LAMA1: variants seen among roughly 807,000 people sequenced by gnomAD.
LAMA1 encodes the protein laminin subunit alpha-1.
LAMA1 carries 219 observed loss-of-function variants against 348.7 expected under a neutral mutation model. That is an observed-to-expected ratio of 0.63 (90% CI 0.56 to 0.70). The LOEUF is 0.70. Among genes scored for constraint, LAMA1 ranks in the 30% least tolerant of loss-of-function variants. The pLI, the probability that LAMA1 is intolerant of heterozygous loss-of-function variation, is 0.00. For synonymous variants in LAMA1, 1,487 were observed against 1,491.0 expected (o/e 1.00, Z 0.06); for missense variants, 3,744 against 3,888.0 (o/e 0.96, Z 0.99).
chr18:7,013,768 A>G (rs1017083123), intron 23 of LAMA1, 47 bp downstream of exon 23: 2 of 1,585,208 alleles, frequency 1.3e-6, no homozygotes, highest in African/African-American at 2.7e-5. Context: ...AGGAGTCATG[A>G]TGAGGAGCCA....
intron 1 of LAMA1, among the ~76,000 whole-genome samples, chr18:7,082,557 G>A (rs942418106): frequency 5.9e-5 from 9 of 152,140 alleles, no homozygotes; most frequent in East Asian, 1.9e-4. Context: ...AGGGGCTGAC[G>A]TTTATTCTAT....
chr18:6,976,837 C>A (rs879572736), intron 44 of LAMA1, among the ~76,000 whole-genome samples: 2 of 151,944 alleles, frequency 1.3e-5, no homozygotes, highest in Non-Finnish European at 2.9e-5. Context: ...CTCAAACTCC[C>A]GGCCTCAAGC....
chr18:6,959,269 G>A (rs955906233), intron 54 of LAMA1, 72 bp downstream of exon 54: 28 of 1,604,292 alleles, frequency 1.7e-5, no homozygotes, highest in African/African-American at 6.7e-5. Context: ...GGGCACCACC[G>A]CAAGGTTCCT....
At chr18:7,064,957 C>T (rs1366609145) in intron 3 of LAMA1, among the ~76,000 whole-genome samples, 5 of 152,080 alleles carry the variant, frequency 3.3e-5, no homozygotes, top group African/African-American at 4.8e-5. Context: ...TAGCCAAGGC[C>T]GGGCGCAGTG....
chr18:7,073,822 TTGTGTGTGTG>T (rs112415914), intron 3 of LAMA1, among the ~76,000 whole-genome samples: 16 of 139,872 alleles, frequency 1.1e-4, no homozygotes, highest in African/African-American at 4.1e-4. Flanking sequence ...ACCATACTGG[TTGTGTGTGTG>T]TGTGTGTGTG....
intron 58 of LAMA1, 33 bp from the exon 59 acceptor site, chr18:6,949,292 A>G (rs1333196998): frequency 1.9e-6 from 3 of 1,611,560 alleles, no homozygotes; most frequent in Admixed American, 1.7e-5. Context: ...ATAATTTTTG[A>G]GGAATCTGAA....
At chr18:7,061,090 C>T (rs540470803) in intron 3 of LAMA1, among the ~76,000 whole-genome samples, 2 of 152,180 alleles carry the variant, frequency 1.3e-5, no homozygotes, top group South Asian at 2.1e-4. Flanking sequence ...CCTGGGAGGT[C>T]GAGGCTGCAG....
chr18:6,980,564 C>T lies in LAMA1; in HGVS notation c.5964G>A (p.Arg1988=), dbSNP rs2057706657. ...RFQENAVEIT[R]QTNESLLILR... ...GTATCAAGAGTGATTCATTGGTTTGCCTGGTAATTTCAACAGCATTCTCTT... is the reference window on the plus strand; with the variant it reads ...GTATCAAGAGTGATTCATTGGTTTGTCTGGTAATTTCAACAGCATTCTCTT... The change falls in exon 42 of 63, where the codon AGG becomes AGA. Residue 1988 remains arginine (R), a synonymous_variant. Transcript: ENST00000389658. The T allele has an allele frequency of 6.8e-6, 11 of 1,613,418 alleles. No homozygotes were observed. Among genetic ancestry groups the T allele is most frequent in the Non-Finnish European group, 9.3e-6 (11 of 1,179,482 alleles).
At chr18:6,996,273 G>A (rs911513607) in intron 33 of LAMA1, among the ~76,000 whole-genome samples, 1 of 151,970 alleles carries the variant, frequency 6.6e-6, no homozygotes, top group Non-Finnish European at 1.5e-5. Context: ...AAATCAAGAC[G>A]GATTCAAGAA....
At position 6,949,171 on chromosome 18, in the gene LAMA1, A is replaced by G. The variant is rs749502336; in HGVS notation, c.8486T>C (p.Met2829Thr). 5.6e-6 allele frequency: 9 copies of G among 1,614,076 alleles called. No individual in the cohort carries two copies. The Admixed American group carries it at 1.0e-4, about 18-fold the overall frequency. ...GTAGAACAAACCCTCCACATCCAGC[A>G]TGGTTCCATCTCCCACCACAGTCAC... is the stretch of plus-strand genomic sequence containing the variant. The part of the protein sequence containing the change: ...PMVTVVGDGT[M>T]LDVEGLFYLG... The change falls in exon 59 of 63, where the codon ATG (methionine) becomes ACG (threonine). Residue 2829 changes from methionine (M) to threonine (T), a missense_variant. Physicochemically the swap from Met to Thr is moderately conservative, Grantham distance 81. Around this residue, in one of 3 missense-constraint regions of LAMA1, gnomAD observed 1,983 missense variants for 1,934.3 expected, o/e 1.03. Transcript: ENST00000389658.
In LAMA1 at chr18:6,982,600, A is replaced by G. The variant is rs1038349802; in HGVS notation, c.5797-10T>C. The G allele has an allele frequency of 1.2e-6, 2 of 1,612,958 alleles. No individual in the cohort carries two copies. Among genetic ancestry groups the G allele is most frequent in the Non-Finnish European group, 8.5e-7 (1 of 1,178,908 alleles). The stretch of plus-strand genomic sequence containing the variant: ...CAAGGGATTCTGAGAGCTGGAAAAC[A>G]GAACCACTTAAGCGTGGTGAGAGCA... On this transcript the variant is annotated splice_polypyrimidine_tract_variant and intron_variant, in intron 40 of 62. Coordinates refer to ENST00000389658, the MANE Select transcript of LAMA1 (RefSeq NM_005559.4).
intron 3 of LAMA1, 146 bp from the exon 4 acceptor site, chr18:7,051,082 G>C (rs1389148779): frequency 9.8e-7 from 1 of 1,023,104 alleles, no homozygotes; most frequent in Admixed American, 2.0e-5. Flanking sequence ...GCCATGAGGT[G>C]CGAGGAGAGG....
chr18:6,971,865 G>C lies in LAMA1; in HGVS notation c.6891C>G (p.Cys2297Trp). 1.9e-6 allele frequency: 3 copies of C among 1,614,080 alleles called. No individual in the cohort carries two copies. Among genetic ancestry groups the C allele is most frequent in the Non-Finnish European group, 1.7e-6 (2 of 1,180,030 alleles). The change falls in exon 48 of 63, where the codon TGC becomes TGG. Residue 2297 changes from cysteine to tryptophan, a missense_variant. Physicochemically the swap from Cys to Trp is radical, Grantham distance 215. This residue lies in a region of LAMA1 where 1,983 missense variants were observed against 1,934.3 expected (regional missense o/e 1.03). Coordinates refer to ENST00000389658, the MANE Select transcript of LAMA1 (RefSeq NM_005559.4). ...YIEREGKCRG[C>W]FGSSQNEDPS... Reference sequence around the variant, plus strand: ...CCGTGACGACATCTTACCTTCCGAAGCACCCACGGCACTTGCCTTCCCTTT... The same window carrying C: ...CCGTGACGACATCTTACCTTCCGAACCACCCACGGCACTTGCCTTCCCTTT...
intron 5 of LAMA1, among the ~76,000 whole-genome samples, chr18:7,048,012 G>GA (rs1352908120): frequency 2.6e-5 from 4 of 152,080 alleles, no homozygotes; most frequent in Non-Finnish European, 5.9e-5. Context: ...AATCATAAAA[G>GA]AAAAAATGGT....
At chr18:7,036,645 A>AG (rs1313904549) in intron 12 of LAMA1, among the ~76,000 whole-genome samples, 2 of 152,144 alleles carry the variant, frequency 1.3e-5, no homozygotes, top group African/African-American at 4.8e-5. Context: ...TGATATCAAG[A>AG]GAAAAAAAAA....
intron 1 of LAMA1, among the ~76,000 whole-genome samples, chr18:7,107,747 G>A (rs892003123): frequency 5.3e-5 from 8 of 152,176 alleles, no homozygotes; most frequent in African/African-American, 1.9e-4. Flanking sequence ...TTTCTCAGTG[G>A]CTCACACCTG....
At chr18:7,018,227 T>G (rs1378295122) in intron 19 of LAMA1, among the ~76,000 whole-genome samples, 2 of 146,222 alleles carry the variant, frequency 1.4e-5, no homozygotes, top group South Asian at 4.5e-4. Flanking sequence ...TCCCAGCTAC[T>G]TGGGAGGCTG....
intron 46 of LAMA1, among the ~76,000 whole-genome samples, chr18:6,974,660 C>T (rs912159609): frequency 6.6e-6 from 1 of 151,792 alleles, no homozygotes; most frequent in African/African-American, 2.4e-5. Flanking sequence ...TTTCACCAGG[C>T]TGGTCTCGAA....
intron 48 of LAMA1, among the ~76,000 whole-genome samples, chr18:6,968,474 G>A (rs181396360): frequency 6.6e-6 from 1 of 152,192 alleles, no homozygotes; most frequent in East Asian, 1.9e-4. Context: ...TACGCCATGA[G>A]ATGTCTGAGG....
Sources: allele counts gnomAD v4.1 joint callset (sites outside exome capture counted in the v4.1 genomes callset), GRCh38; gene constraint gnomAD v4.1.1; regional missense constraint gnomAD v4.1.1; transcripts MANE v1.5; gene names NCBI Gene and HGNC (gene_info 2026-07-23, HGNC 2026-07-21).